EML1: variants seen among roughly 807,000 people sequenced by gnomAD.
EML1 encodes the protein EMAP like 1, also known as echinoderm microtubule-associated protein-like 1.
In EML1, 27 loss-of-function variants were observed where a neutral mutation model predicts 110.4. The ratio of observed to expected loss-of-function variants is 0.24; its 90% CI spans 0.18 to 0.34. The LOEUF is 0.34. Ranked by LOEUF, EML1 falls within the 10% of genes least tolerant of loss-of-function variation. EML1 has a pLI of 1.00. For synonymous variants in EML1, 344 were observed against 385.8 expected, an observed-to-expected ratio of 0.89 and a Z score of 1.27; for missense variants, 741 against 1,030.9, an observed-to-expected ratio of 0.72 and a Z score of 3.85.
intron 1 of EML1, among the ~76,000 whole-genome samples, chr14:99,747,792 C>T (rs1023868466): frequency 1.3e-5 from 2 of 152,264 alleles, no homozygotes; most frequent in East Asian, 1.9e-4. Flanking sequence ...CCTGGCCACA[C>T]GGGGACTTGG....
intron 1 of EML1, among the ~76,000 whole-genome samples, chr14:99,761,041 T>C (rs952383270): frequency 6.6e-6 from 1 of 152,134 alleles, no homozygotes; most frequent in Admixed American, 6.5e-5. Context: ...AAGTGTTTTC[T>C]CTGTGCCAGA....
chr14:99,886,157 A>G (rs1309071726), intron 4 of EML1: 1 of 236,874 alleles, frequency 4.2e-6, no homozygotes, highest in Non-Finnish European at 8.4e-6. Flanking sequence ...TCCAGCAGGA[A>G]CTTTATTTCA....
intron 1 of EML1, among the ~76,000 whole-genome samples, chr14:99,833,726 C>T (rs1042764538): frequency 1.7e-4 from 26 of 152,128 alleles, no homozygotes; most frequent in African/African-American, 6.3e-4. Flanking sequence ...AGATGTTGAA[C>T]ATCTTTTGCC....
chr14:99,865,489 ATAT>A (rs1566905922), intron 2 of EML1, 22 bp from the exon 3 acceptor site: 4 of 1,612,672 alleles, frequency 2.5e-6, no homozygotes, highest in Non-Finnish European at 3.4e-6. Flanking sequence ...GAACTTTCTG[ATAT>A]TATTTTCTGC....
intron 1 of EML1, among the ~76,000 whole-genome samples, chr14:99,849,486 C>T (rs766343319): frequency 2.0e-5 from 3 of 151,158 alleles, no homozygotes; most frequent in Non-Finnish European, 4.4e-5. Flanking sequence ...ATTAGTATCT[C>T]ATAATTGTGT....
chr14:99,891,502 C>T (rs1260151814), intron 5 of EML1, among the ~76,000 whole-genome samples: 1 of 152,228 alleles, frequency 6.6e-6, no homozygotes, highest in East Asian at 1.9e-4. Context: ...ATGCCACCAC[C>T]TATGCCATGA....
At chr14:99,826,718 CA>C (rs200958618) in intron 1 of EML1, among the ~76,000 whole-genome samples, 2 of 147,784 alleles carry the variant, frequency 1.4e-5, no homozygotes, top group Non-Finnish European at 3.0e-5. Flanking sequence ...GAAAAAAAAA[CA>C]AAAAAAAACA....
chr14:99,754,744 C>T (rs1042007899), intron 1 of EML1, among the ~76,000 whole-genome samples: 31 of 152,314 alleles, frequency 2.0e-4, no homozygotes, highest in African/African-American at 7.0e-4. Context: ...CTCTCAGCCT[C>T]GCCAAGCCTC....
intron 1 of EML1, among the ~76,000 whole-genome samples, chr14:99,777,025 C>G (rs913859341): frequency 1.3e-5 from 2 of 152,114 alleles, no homozygotes; most frequent in African/African-American, 2.4e-5. Context: ...TGAAGTTTTT[C>G]TTATTAAAAG....
chr14:99,920,024 C>T (rs2060103908), intron 16 of EML1, among the ~76,000 whole-genome samples: 1 of 152,162 alleles, frequency 6.6e-6, no homozygotes, highest in African/African-American at 2.4e-5. Flanking sequence ...AGGGGCTCAC[C>T]ACCACCCCTT....
intron 1 of EML1, among the ~76,000 whole-genome samples, chr14:99,796,251 AG>A (rs2057773024): frequency 6.8e-6 from 1 of 147,916 alleles, no homozygotes; most frequent in Non-Finnish European, 1.5e-5. Flanking sequence ...GTAAATGAGA[AG>A]GGAGAAAGAG....
At chr14:99,914,389 A>G (rs1032270075) in intron 14 of EML1, 85 bp downstream of exon 14, 9 of 1,560,170 alleles carry the variant, frequency 5.8e-6, no homozygotes, top group Admixed American at 1.8e-5. Context: ...CAGGTGCTTT[A>G]TACTACGATA....
In EML1 at chr14:99,930,589, C is replaced by T. The variant is rs192046844; in HGVS notation, c.1910-5440C>T. Among the ~76,000 whole-genome samples, 572 of 152,286 alleles carry T rather than the reference C, an allele frequency of 3.8e-3. 3 individuals are homozygous for T. The highest frequency in any genetic ancestry group is 6.2e-3 in the Non-Finnish European group (425 of 68,026). On this transcript the variant is annotated intron_variant, in intron 17 of 21. Coordinates refer to ENST00000262233, the MANE Select transcript of EML1 (RefSeq NM_004434.3). ...AATGTTACGTGAAAGTTTATCACAA[C>T]CAGTCAGCTAAGTGTTGGCAAAATG...
chr14:99,850,939 A>C lies in EML1; in HGVS notation c.154A>C (p.Ile52Leu), dbSNP rs768931630. Residue 52 changes from isoleucine to leucine, a missense_variant, in exon 2 of 22, where the codon ATC becomes CTC. Around this residue, in one of 4 missense-constraint regions of EML1, gnomAD observed 226 missense variants for 255.6 expected, o/e 0.88. Transcript: ENST00000262233. ...EQRVQMQEDDIQLLKSALADV... is the reference protein window; with the variant it reads ...EQRVQMQEDDLQLLKSALADV... ...GAGAGTCCAGATGCAAGAAGACGAC[A>C]TCCAGCTGCTCAAATCAGCTCTAGC... The C allele has an allele frequency of 3.7e-6, 6 of 1,614,206 alleles. No individual in the cohort carries two copies. The highest frequency in any genetic ancestry group is 5.1e-6 in the Non-Finnish European group (6 of 1,180,026).
At chr14:99,920,551 CAT>C (rs2060112619) in intron 16 of EML1, among the ~76,000 whole-genome samples, 1 of 152,178 alleles carries the variant, frequency 6.6e-6, no homozygotes, top group Non-Finnish European at 1.5e-5. Context: ...GAAACCATGT[CAT>C]AGTGTTGATA....
At chr14:99,754,881 C>G (rs1034573351) in intron 1 of EML1, among the ~76,000 whole-genome samples, 2 of 152,364 alleles carry the variant, frequency 1.3e-5, no homozygotes, top group South Asian at 4.1e-4. Context: ...CCTCCCCCGC[C>G]CCATGATCCG....
chr14:99,939,223 A>G lies in EML1; in HGVS notation c.2218A>G (p.Thr740Ala), dbSNP rs1212267323. The G allele has an allele frequency of 6.2e-7, 1 of 1,614,026 alleles. No homozygotes were observed. The highest frequency in any genetic ancestry group is 2.2e-5 in the East Asian group (1 of 44,896). The change falls in exon 21 of 22, where the codon ACC (threonine) becomes GCC (alanine). Residue 740 changes from threonine (T) to alanine (A), a missense_variant. By Grantham distance (58) the Thr-to-Ala change is moderately conservative. Coordinates refer to ENST00000262233, the MANE Select transcript of EML1 (RefSeq NM_004434.3). This position sits in a 1 kb window ranked among gnomAD's most constrained non-coding sequence, Gnocchi z 4.2. ...AGTGTGGCCAGAAGGCTCGGACGGA[A>G]CCGACATCAATGCCGTCTGTCGGGC... Reference protein sequence around the residue: ...FGVWPEGSDGTDINAVCRAHE... With the variant: ...FGVWPEGSDGADINAVCRAHE...
At chr14:99,844,986 G>A (rs901769238) in intron 1 of EML1, among the ~76,000 whole-genome samples, 2 of 152,120 alleles carry the variant, frequency 1.3e-5, no homozygotes, top group African/African-American at 2.4e-5. Flanking sequence ...AGAAACATTG[G>A]CGTATCGGTT....
intron 1 of EML1, among the ~76,000 whole-genome samples, chr14:99,812,029 C>T (rs1482851364): frequency 6.6e-6 from 1 of 151,678 alleles, no homozygotes. Flanking sequence ...AGTGGATCTG[C>T]GCAGTTGAAA....
Sources: gnomAD v4.1 joint callset for allele counts (sites outside exome capture counted in the v4.1 genomes callset) on GRCh38, gnomAD v4.1.1 for gene constraint, gnomAD v4.1.1 regional missense constraint, Gnocchi (gnomAD v3.1) non-coding constraint, MANE v1.5 for transcripts, NCBI Gene and HGNC (gene_info 2026-07-23, HGNC 2026-07-21) for gene names.